Variants in DNAJC10 observed in about 807,000 individuals in gnomAD.
DNAJC10 encodes the protein DnaJ heat shock protein family (Hsp40) member C10, also known as endoplasmic reticulum disulfide reductase DNAJC10.
In DNAJC10, 101 loss-of-function variants were observed where a neutral mutation model predicts 115.0. The ratio of observed to expected loss-of-function variants is 0.88; its 90% CI spans 0.75 to 1.04. DNAJC10 has a LOEUF of 1.04. DNAJC10 is among the 50% of genes least tolerant of loss of function. The pLI is 0.00. For synonymous variants in DNAJC10, 307 were observed against 301.5 expected (o/e 1.02, Z -0.19); for missense variants, 981 against 928.8 (o/e 1.06, Z -0.73).
rs1178673399 is a variant in DNAJC10 at position 182,783,776 on chromosome 2, T to A, written c.*6644T>A. 1 of 151,288 alleles carries A rather than the reference T, an allele frequency of 6.6e-6. No individual in the cohort carries two copies. The highest frequency in any genetic ancestry group is 1.9e-4 in the East Asian group (1 of 5,194). The allele number at this position is 151,288 out of a possible 1,614,324, so 9.4% of individuals were successfully genotyped here. ...TATCTCATGTTTTACTATAAAAACT[T>A]GGGTATATTACTTGAAGATCAACTA... On this transcript the variant is annotated 3_prime_UTR_variant, in exon 24 of 24. Coordinates refer to ENST00000264065, the MANE Select transcript of DNAJC10 (RefSeq NM_018981.4).
Position 182,736,406 on chromosome 2 carries a change from A to G in DNAJC10, c.987+20A>G. ...ATTTTGGTATGAATCACTTTAAACTAATTTATTTACATATAATGTGCAAAC... is the reference window on the plus strand; with the variant it reads ...ATTTTGGTATGAATCACTTTAAACTGATTTATTTACATATAATGTGCAAAC... On this transcript the variant is annotated intron_variant, in intron 11 of 23. Transcript: ENST00000264065. 1 of 1,515,132 alleles carries G rather than the reference A, an allele frequency of 6.6e-7. No homozygotes were observed. The highest frequency in any genetic ancestry group is 1.4e-5 in the African/African-American group (1 of 70,120). 93.9% of individuals were successfully genotyped at this position (1,515,132 alleles called of 1,614,324 possible). A position where few individuals can be genotyped will look rare whatever the true frequency, so the allele number is the denominator to read the frequency against.
Position 182,729,014 on chromosome 2 carries a change from T to C in DNAJC10, c.633+20T>C. The C allele has an allele frequency of 6.2e-7, 1 of 1,611,002 alleles. No individual in the cohort carries two copies. The highest frequency in any genetic ancestry group is 8.5e-7 in the Non-Finnish European group (1 of 1,178,090). On this transcript the variant is annotated intron_variant, in intron 7 of 23. Coordinates refer to ENST00000264065, the MANE Select transcript of DNAJC10 (RefSeq NM_018981.4). The stretch of plus-strand genomic sequence containing the variant: ...GGAATGGTAAGGGATAAAGTTAGCA[T>C]TTTTTAAATTTGTGAAACATTATGA...
intron 5 of DNAJC10, among the ~76,000 whole-genome samples, chr2:182,725,874 G>A (rs920921883): frequency 6.6e-6 from 1 of 152,244 alleles, no homozygotes; most frequent in African/African-American, 2.4e-5. Context: ...TGCTATCTGG[G>A]ACTTTTTTTT....
At position 182,778,314 on chromosome 2, in the gene DNAJC10, G is replaced by C. The variant is rs1694762548; in HGVS notation, c.*1182G>C. ...TCAGATAAATATTGACATAATAACT[G>C]AAGTTATTTTTATAAGAAAATCAAG... On this transcript the variant is annotated 3_prime_UTR_variant, in exon 24 of 24. Coordinates refer to ENST00000264065, the MANE Select transcript of DNAJC10 (RefSeq NM_018981.4). The C allele has an allele frequency of 6.6e-6, 1 of 152,108 alleles. No individual in the cohort carries two copies. Among genetic ancestry groups the C allele is most frequent in the African/African-American group, 2.4e-5 (1 of 41,438 alleles). The allele number at this position is 152,108 out of a possible 1,614,324, so 9.4% of individuals were successfully genotyped here.
chr2:182,784,638 AATGAT>A lies in DNAJC10; in HGVS notation c.*7508_*7512del, dbSNP rs968122866. On this transcript the variant is annotated 3_prime_UTR_variant, in exon 24 of 24. Coordinates refer to ENST00000264065, the MANE Select transcript of DNAJC10 (RefSeq NM_018981.4). Reference sequence around the variant, plus strand: ...GTTTTATGCCTTAAAAATTATAAATAATGATAAGTTTAATTTGCAGCCCTTATAGC... The same window carrying A: ...GTTTTATGCCTTAAAAATTATAAATAAAGTTTAATTTGCAGCCCTTATAGC... 76 of 152,348 alleles carry A rather than the reference AATGAT, an allele frequency of 5.0e-4. No individual in the cohort carries two copies. The highest frequency in any genetic ancestry group is 1.8e-3 in the African/African-American group (76 of 41,582). 9.4% of individuals were successfully genotyped at this position (152,348 alleles called of 1,614,324 possible).
At chr2:182,730,943 A>G (rs550714634) in intron 8 of DNAJC10, 87 bp from the exon 9 acceptor site, 22 of 866,264 alleles carry the variant, frequency 2.5e-5, no homozygotes, top group Non-Finnish European at 4.0e-5. Flanking sequence ...GGGTGAGATT[A>G]GAAAGGAAAA....
intron 11 of DNAJC10, among the ~76,000 whole-genome samples, chr2:182,737,996 C>T (rs1693629841): frequency 6.6e-6 from 1 of 152,098 alleles, no homozygotes; most frequent in East Asian, 1.9e-4. Flanking sequence ...TTTTTTCACT[C>T]AGTGTATCAG....
intron 11 of DNAJC10, 34 bp downstream of exon 11, chr2:182,736,420 T>C (rs2105636311): frequency 2.1e-6 from 3 of 1,454,568 alleles, no homozygotes; most frequent in East Asian, 2.6e-5. Context: ...TATTTACATA[T>C]AATGTGCAAA....
intron 13 of DNAJC10, among the ~76,000 whole-genome samples, chr2:182,741,684 A>G (rs1693741514): frequency 6.6e-6 from 1 of 152,192 alleles, no homozygotes; most frequent in African/African-American, 2.4e-5. Context: ...TTTAAAAATC[A>G]GGACAATAAA....
At chr2:182,768,238 T>C (rs1694467413) in intron 22 of DNAJC10, among the ~76,000 whole-genome samples, 2 of 152,274 alleles carry the variant, frequency 1.3e-5, no homozygotes, top group South Asian at 4.1e-4. Context: ...TATCAGAGCC[T>C]GAGTCTTCAT....
rs1694861240 is a variant in DNAJC10 at position 182,782,106 on chromosome 2, T to C, written c.*4974T>C. 1 of 152,228 alleles carries C rather than the reference T, an allele frequency of 6.6e-6. No individual in the cohort carries two copies. The highest frequency in any genetic ancestry group is 2.4e-5 in the African/African-American group (1 of 41,468). 9.4% of individuals were successfully genotyped at this position (152,228 alleles called of 1,614,324 possible). A position where few individuals can be genotyped will look rare whatever the true frequency, so the allele number is the denominator to read the frequency against. On this transcript the variant is annotated 3_prime_UTR_variant, in exon 24 of 24. Coordinates refer to ENST00000264065, the MANE Select transcript of DNAJC10 (RefSeq NM_018981.4). The stretch of plus-strand genomic sequence containing the variant: ...ACCTTACATTTAAGTCTTTAATCTA[T>C]CAACTTAATTTTTATATAAGGTGTA...
chr2:182,728,800 G>A (rs1402491908), intron 6 of DNAJC10, 63 bp from the exon 7 acceptor site: 8 of 1,569,488 alleles, frequency 5.1e-6, no homozygotes, highest in Admixed American at 3.4e-5. Flanking sequence ...ATATAGCTTG[G>A]AGTGTGTTCA....
Position 182,757,881 on chromosome 2 carries a change from A to G in DNAJC10, c.1943+56A>G, listed in dbSNP as rs1418057690. ...ATTATAATTATTTAATTATACACTTAACAGTTAAGTTACCTGAACAAAATA... is the reference window on the plus strand; with the variant it reads ...ATTATAATTATTTAATTATACACTTGACAGTTAAGTTACCTGAACAAAATA... On this transcript the variant is annotated intron_variant, in intron 19 of 23. Coordinates refer to ENST00000264065, the MANE Select transcript of DNAJC10 (RefSeq NM_018981.4). 2.9e-6 allele frequency: 3 copies of G among 1,030,564 alleles called. No individual in the cohort carries two copies. The African/African-American group carries it at 5.0e-5, about 17-fold the overall frequency. The allele number at this position is 1,030,564 out of a possible 1,614,324, so 63.8% of individuals were successfully genotyped here.
chr2:182,748,909 A>T (rs1357662496), intron 14 of DNAJC10, among the ~76,000 whole-genome samples: 1 of 151,486 alleles, frequency 6.6e-6, no homozygotes, highest in African/African-American at 2.4e-5. Flanking sequence ...TCATTTTGTT[A>T]TGTACCCAGT....
rs56151760 is a variant in DNAJC10 at position 182,753,579 on chromosome 2, G to GTTTTTTTTTT, written c.1551+1403_1552-1403dup. Among the ~76,000 whole-genome samples, 22 of 99,408 alleles carry GTTTTTTTTTT rather than the reference G, an allele frequency of 2.2e-4. 2 individuals are homozygous for GTTTTTTTTTT. Among genetic ancestry groups the GTTTTTTTTTT allele is most frequent in the Middle Eastern group, 0.01 (1 of 100 alleles). 65.2% of individuals were successfully genotyped at this position (99,408 alleles called of 152,430 possible). On this transcript the variant is annotated intron_variant, in intron 16 of 23. Transcript: ENST00000264065. Reference sequence around the variant, plus strand: ...TCTTAATTTTAATTTCTTTAGTTTAGTTTTTTTTTTTTTTTTTTTTTGAGA... The same window carrying GTTTTTTTTTT: ...TCTTAATTTTAATTTCTTTAGTTTAGTTTTTTTTTTTTTTTTTTTTTTTTTTTTTTTGAGA...
intron 9 of DNAJC10, among the ~76,000 whole-genome samples, chr2:182,732,292 GAA>G (rs1481879116): frequency 6.6e-6 from 1 of 150,726 alleles, no homozygotes; most frequent in East Asian, 1.9e-4. Context: ...GAGAATGAAA[GAA>G]AGAGGGAGCG....
In DNAJC10 at chr2:182,783,378, C is replaced by T. The variant is rs1694889590; in HGVS notation, c.*6246C>T. The T allele has an allele frequency of 6.6e-6, 1 of 152,078 alleles. No individual in the cohort carries two copies. Among genetic ancestry groups the T allele is most frequent in the African/African-American group, 2.4e-5 (1 of 41,412 alleles). 9.4% of individuals were successfully genotyped at this position (152,078 alleles called of 1,614,324 possible). On this transcript the variant is annotated 3_prime_UTR_variant, in exon 24 of 24. Coordinates refer to ENST00000264065, the MANE Select transcript of DNAJC10 (RefSeq NM_018981.4). ...AAGTCCCACCTATGCATTGAAATAT[C>T]TTTCTCAAGTCATTAGATAAAGTAT...
rs1347588182 is a variant in DNAJC10 at position 182,782,713 on chromosome 2, C to CTGTT, written c.*5585_*5588dup. Reference sequence around the variant, plus strand: ...GGGAGTTCACTCACGATTTGGCTCTCTGTTTGTCAATTATTGGTGTATAGG... The same window carrying CTGTT: ...GGGAGTTCACTCACGATTTGGCTCTCTGTTTGTTTGTCAATTATTGGTGTATAGG... On this transcript the variant is annotated 3_prime_UTR_variant, in exon 24 of 24. Coordinates refer to ENST00000264065, the MANE Select transcript of DNAJC10 (RefSeq NM_018981.4). The CTGTT allele has an allele frequency of 6.6e-6, 1 of 152,104 alleles. No individual in the cohort carries two copies. Among genetic ancestry groups the CTGTT allele is most frequent in the East Asian group, 1.9e-4 (1 of 5,198 alleles). 9.4% of individuals were successfully genotyped at this position (152,104 alleles called of 1,614,324 possible).
chr2:182,732,175 T>C (rs1429104940), intron 9 of DNAJC10, among the ~76,000 whole-genome samples: 1 of 152,022 alleles, frequency 6.6e-6, no homozygotes, highest in Middle Eastern at 3.2e-3. Flanking sequence ...AATTTTGAGA[T>C]CTCTTGGATA....
Sources: allele counts gnomAD v4.1 joint callset (sites outside exome capture counted in the v4.1 genomes callset), GRCh38; gene constraint gnomAD v4.1.1; transcripts MANE v1.5; gene names NCBI Gene and HGNC (gene_info 2026-07-23, HGNC 2026-07-21).